TDRD6: variants seen among roughly 807,000 people sequenced by gnomAD.
TDRD6 encodes tudor domain containing 6, also known as tudor domain-containing protein 6.
In TDRD6, 186 loss-of-function variants were observed where a neutral mutation model predicts 157.5. The observed-to-expected ratio is 1.18, with a 90% CI of 1.05 to 1.33. TDRD6 has a LOEUF of 1.33. TDRD6 is among the 40% of genes most tolerant of loss of function. TDRD6 has a pLI of 0.00. For synonymous variants in TDRD6, 1,075 were observed against 945.2 expected (o/e 1.14, Z -2.52); for missense variants, 3,066 against 2,508.0 (o/e 1.22, Z -4.75).
rs757120591 is a variant in TDRD6 at position 46,691,228 on chromosome 6, T to G, written c.3100T>G (p.Leu1034Val). ...KVLLNLKTSPLNPGTLCLAKY... is the reference protein window; with the variant it reads ...KVLLNLKTSPVNPGTLCLAKY... ...TTTGCTGAATTTAAAAACATCTCCC[T>G]TGAACCCTGGAACCTTGTGCCTTGC... The change falls in exon 1 of 4, where the codon TTG becomes GTG. Residue 1034 changes from leucine to valine, a missense_variant. Leu to Val is a conservative substitution (Grantham distance 32). Transcript: ENST00000316081. 5.6e-6 allele frequency: 9 copies of G among 1,614,000 alleles called. No homozygotes were observed. The highest frequency in any genetic ancestry group is 7.6e-6 in the Non-Finnish European group (9 of 1,179,940).
At chr6:46,696,549 ATATGTGTGTGTGTG>A (rs1220666609) in intron 2 of TDRD6, among the ~76,000 whole-genome samples, 5 of 65,172 alleles carry the variant, frequency 7.7e-5, no homozygotes, top group Admixed American at 4.8e-4. Context: ...ATATATGTAT[ATATGTGTGTGTGTG>A]TGTGTGTGTG....
chr6:46,691,791 C>G lies in TDRD6; in HGVS notation c.3663C>G (p.Tyr1221Ter), dbSNP rs746356920. Residue 1221 changes from tyrosine to a stop codon, truncating the protein, a stop_gained, in exon 1 of 4, where the codon TAC becomes TAG. Transcript: ENST00000316081. LOFTEE classifies it high-confidence loss of function. ...ATAAACCTCAGATCAACTCATCATA[C>G]AAGGAACTCAAACTTTTACAAAGTT... ...ESYKPQINSS[Y>*]KELKLLQSLT... is the part of the protein sequence containing the mutation. 7.5e-6 allele frequency: 12 copies of G among 1,601,656 alleles called. No individual in the cohort carries two copies. The highest frequency in any genetic ancestry group is 1.0e-5 in the Non-Finnish European group (12 of 1,177,008).
chr6:46,688,466 C>T lies in TDRD6; in HGVS notation c.338C>T (p.Ala113Val), dbSNP rs979057889. The T allele has an allele frequency of 1.3e-5, 20 of 1,544,484 alleles. No homozygotes were observed. The highest frequency in any genetic ancestry group is 1.7e-5 in the Non-Finnish European group (20 of 1,147,370). Residue 113 changes from alanine to valine, a missense_variant, in exon 1 of 4, where the codon GCG becomes GTG. By Grantham distance (64) the Ala-to-Val change is moderately conservative (BLOSUM62 0). Transcript: ENST00000316081. ...RTITAGAGSL[A>V]PGRREFFNLP... ...ATCACGGCCGGAGCAGGCTCGCTGG[C>T]GCCTGGGCGCAGAGAGTTCTTCAAT... is the stretch of plus-strand genomic sequence containing the variant.
At chr6:46,699,181 C>G (rs929517977) in intron 3 of TDRD6, among the ~76,000 whole-genome samples, 2 of 152,142 alleles carry the variant, frequency 1.3e-5, no homozygotes, top group African/African-American at 4.8e-5. Flanking sequence ...TCCCAGGATC[C>G]TCTCTTATCC....
chr6:46,701,954 C>A lies in TDRD6; in HGVS notation c.*67C>A. 1 of 1,536,570 alleles carries A rather than the reference C, an allele frequency of 6.5e-7. No homozygotes were observed. Among genetic ancestry groups the A allele is most frequent in the South Asian group, 1.2e-5 (1 of 85,154 alleles). ...TTGAACAAGTGGCATCTTACGCAGA[C>A]CAACAGAGTATTTGAGAAAATTGAA... On this transcript the variant is annotated 3_prime_UTR_variant, in exon 4 of 4. Transcript: ENST00000316081.
chr6:46,689,363 A>T lies in TDRD6; in HGVS notation c.1235A>T (p.Tyr412Phe), dbSNP rs1341038495. 3 of 1,614,020 alleles carry T rather than the reference A, an allele frequency of 1.9e-6. No homozygotes were observed. Among genetic ancestry groups the T allele is most frequent in the Admixed American group, 1.7e-5 (1 of 60,010 alleles). Reference sequence around the variant, plus strand: ...GCAGTGAATGCAAAGATTGAATTTTATTGCTCCTTTGAGCATGTGTATTAT... The same window carrying T: ...GCAGTGAATGCAAAGATTGAATTTTTTTGCTCCTTTGAGCATGTGTATTAT... ...GKAVNAKIEFYCSFEHVYYVS... is the reference protein window; with the variant it reads ...GKAVNAKIEFFCSFEHVYYVS... Residue 412 changes from tyrosine (Y) to phenylalanine (F), a missense_variant, in exon 1 of 4, where the codon TAT becomes TTT. Tyr to Phe is a conservative substitution (Grantham distance 22). Coordinates refer to ENST00000316081, the MANE Select transcript of TDRD6 (RefSeq NM_001010870.3).
Position 46,691,298 on chromosome 6 carries a change from AAG to A in TDRD6, c.3173_3174del (p.Glu1058AlafsTer8), listed in dbSNP as rs781633496. On this transcript the variant is annotated frameshift_variant, in exon 1 of 4. Coordinates refer to ENST00000316081, the MANE Select transcript of TDRD6 (RefSeq NM_001010870.3). LOFTEE classifies it high-confidence loss of function. ...TGGTATAGGGGCATAGTAATAGAGA[AAG>A]AGCCAAAGAAAGTCTTCTTTGTTGA... The A allele has an allele frequency of 6.2e-7, 1 of 1,614,118 alleles. No homozygotes were observed. The highest frequency in any genetic ancestry group is 1.7e-5 in the Admixed American group (1 of 60,022).
At position 46,688,545 on chromosome 6, in the gene TDRD6, C is replaced by A. The variant is rs752645493; in HGVS notation, c.417C>A (p.Cys139Ter). The stretch of plus-strand genomic sequence containing the variant: ...TAGCGGGCCTGGTGCCGGCAGGCTG[C>A]GGCGCGGGCTCAGGCGAGCCGCCGC... ...CVLAGLVPAG[C>*]GAGSGEPPQH... Residue 139 changes from cysteine to a stop codon, truncating the protein, a stop_gained, in exon 1 of 4, where the codon TGC becomes TGA. Coordinates refer to ENST00000316081, the MANE Select transcript of TDRD6 (RefSeq NM_001010870.3). LOFTEE classifies it high-confidence loss of function. 6.3e-7 allele frequency: 1 copy of A among 1,576,510 alleles called. No individual in the cohort carries two copies. The highest frequency in any genetic ancestry group is 8.6e-7 in the Non-Finnish European group (1 of 1,167,220).
At chr6:46,695,751 C>T in intron 1 of TDRD6, 70 bp from the exon 2 acceptor site, 1 of 1,470,558 alleles carries the variant, frequency 6.8e-7, no homozygotes, top group South Asian at 1.3e-5. Context: ...TAGGAAAATG[C>T]TTTGCTTGTG....
In TDRD6 at chr6:46,689,316, GAAGACACTGATACTAGGC is replaced by G; in HGVS notation, c.1192_1209del (p.Thr398_Lys403del). The G allele has an allele frequency of 6.2e-7, 1 of 1,614,204 alleles. No homozygotes were observed. Among genetic ancestry groups the G allele is most frequent in the Non-Finnish European group, 8.5e-7 (1 of 1,180,042 alleles). Reference sequence around the variant, plus strand: ...GGTCTCGGTCACAGGTCGGTGACCTGAAGACACTGATACTAGGCAAGGCAGTGAATGCAAAGATTGAAT... The same window carrying G: ...GGTCTCGGTCACAGGTCGGTGACCTGAAGGCAGTGAATGCAAAGATTGAAT... On this transcript the variant is annotated inframe_deletion, in exon 1 of 4. Coordinates refer to ENST00000316081, the MANE Select transcript of TDRD6 (RefSeq NM_001010870.3).
intron 3 of TDRD6, among the ~76,000 whole-genome samples, chr6:46,698,869 G>C (rs1764557157): frequency 6.6e-6 from 1 of 152,162 alleles, no homozygotes; most frequent in African/African-American, 2.4e-5. Context: ...TGATCAGCTG[G>C]TTTCAATTCA....
At chr6:46,701,803 T>A in intron 3 of TDRD6, 55 bp from the exon 4 acceptor site, 3 of 1,587,870 alleles carry the variant, frequency 1.9e-6, no homozygotes, top group Non-Finnish European at 2.6e-6. Context: ...TGGAAATAAA[T>A]TTTTTTGTTT....
intron 2 of TDRD6, among the ~76,000 whole-genome samples, chr6:46,696,601 ATTTTTT>A (rs1157915506): frequency 8.7e-5 from 1 of 11,540 alleles, no homozygotes; most frequent in Non-Finnish European, 1.5e-4. Flanking sequence ...ATATATATAT[ATTTTTT>A]TTTTTTTTTT....
chr6:46,685,358 TGTAAA>T (rs1015148747), upstream of TDRD6, among the ~76,000 whole-genome samples: 5 of 152,208 alleles, frequency 3.3e-5, no homozygotes, highest in Non-Finnish European at 7.3e-5. Context: ...AACTATAGAC[TGTAAA>T]GTATACTGCA....
In TDRD6 at chr6:46,690,470, T is replaced by A. The variant is rs149177235; in HGVS notation, c.2342T>A (p.Val781Asp). 1.2e-6 allele frequency: 2 copies of A among 1,614,142 alleles called. No homozygotes were observed. Among genetic ancestry groups the A allele is most frequent in the East Asian group, 2.2e-5 (1 of 44,880 alleles). ...GSTVEVRVSY[V>D]ENPGYFWCQL... ...ACAGTAGAAGTCAGAGTGTCTTATG[T>A]TGAAAACCCTGGCTATTTCTGGTGT... Residue 781 changes from valine (V) to aspartate (D), a missense_variant, in exon 1 of 4, where the codon GTT (valine) becomes GAT (aspartate). Physicochemically the swap from Val to Asp is radical, Grantham distance 152 (BLOSUM62 -3). Transcript: ENST00000316081.
chr6:46,700,864 G>T, intron 3 of TDRD6: 1 of 261,926 alleles, frequency 3.8e-6, no homozygotes, highest in South Asian at 3.6e-5. Flanking sequence ...TATAAAATCA[G>T]ATTGTCATAA....
chr6:46,694,959 A>G (rs1764455022), intron 1 of TDRD6, among the ~76,000 whole-genome samples: 1 of 152,204 alleles, frequency 6.6e-6, no homozygotes, highest in African/African-American at 2.4e-5. Flanking sequence ...TAGGTAGCCT[A>G]TATTAATCAA....
upstream of TDRD6, chr6:46,687,561 G>C (rs562453433): frequency 3.3e-5 from 5 of 152,332 alleles, no homozygotes; most frequent in East Asian, 9.7e-4. Flanking sequence ...ATTGGCTCCT[G>C]CGTTTCTCGT....
rs1764283358 is a variant in TDRD6, at chr6:46,690,652, C to T, written c.2524C>T (p.Gln842Ter). Residue 842 changes from glutamine (Q) to a stop codon, truncating the protein, a stop_gained, in exon 1 of 4, where the codon CAG (glutamine) becomes TAG (stop). Coordinates refer to ENST00000316081, the MANE Select transcript of TDRD6 (RefSeq NM_001010870.3). LOFTEE classifies it high-confidence loss of function. ...GTCCAGAGCACTTATTAGTGGGATA[C>T]AGTCTGTGGAGCATGTCAATGTAAC... ...QWSRALISGI[Q>*]SVEHVNVTFV... 2 of 1,614,160 alleles carry T rather than the reference C, an allele frequency of 1.2e-6. No individual in the cohort carries two copies. Among genetic ancestry groups the T allele is most frequent in the East Asian group, 2.2e-5 (1 of 44,886 alleles).
Sources: allele counts gnomAD v4.1 joint callset (sites outside exome capture counted in the v4.1 genomes callset), GRCh38; gene constraint gnomAD v4.1.1; transcripts MANE v1.5; gene names NCBI Gene and HGNC (gene_info 2026-07-23, HGNC 2026-07-21).